The following SCFD2 variants were observed in gnomAD, a reference collection of about 807,000 sequenced individuals.
SCFD2 encodes the protein sec1 family domain containing 2.
A neutral mutation model predicts 58.9 loss-of-function variants in SCFD2; 54 were observed. The ratio of observed to expected loss-of-function variants is 0.92; its 90% CI spans 0.74 to 1.15. The LOEUF is 1.15. SCFD2 is among the 50% of genes most tolerant of loss of function. SCFD2 has a pLI of 0.00. For missense variants in SCFD2, 805 were observed against 836.6 expected (o/e 0.96, Z 0.47); for synonymous variants, 321 against 335.9 (o/e 0.96, Z 0.49).
At chr4:53,246,536 A>G (rs1256771379) in intron 4 of SCFD2, among the ~76,000 whole-genome samples, 5 of 152,214 alleles carry the variant, frequency 3.3e-5, no homozygotes, top group Non-Finnish European at 7.3e-5. Context: ...GCCCAGAAAT[A>G]AGGCTGCACG....
At chr4:53,290,744 T>C (rs763333088) in intron 3 of SCFD2, among the ~76,000 whole-genome samples, 2 of 151,532 alleles carry the variant, frequency 1.3e-5, no homozygotes, top group Non-Finnish European at 2.9e-5. Context: ...CAAAAATAAA[T>C]AAAATCAGAA....
intron 5 of SCFD2, among the ~76,000 whole-genome samples, chr4:53,097,050 A>C (rs532206680): frequency 5.3e-5 from 8 of 151,154 alleles, no homozygotes; most frequent in Non-Finnish European, 7.4e-5. Flanking sequence ...TTTCTGAGGG[A>C]TCTGTTCTGT....
intron 4 of SCFD2, among the ~76,000 whole-genome samples, chr4:53,193,946 G>C (rs560237730): frequency 4.6e-5 from 7 of 152,222 alleles, no homozygotes; most frequent in African/African-American, 1.7e-4. Flanking sequence ...TTGATTTTTG[G>C]TTTGGGTTAC....
chr4:53,329,499 C>A (rs375596002), intron 2 of SCFD2, among the ~76,000 whole-genome samples: 3 of 149,750 alleles, frequency 2.0e-5, no homozygotes, highest in South Asian at 2.2e-4. Flanking sequence ...ACACCTCACA[C>A]GGCAGGGTAT....
intron 4 of SCFD2, among the ~76,000 whole-genome samples, chr4:53,152,776 G>A (rs1419376490): frequency 6.6e-6 from 1 of 152,128 alleles, no homozygotes; most frequent in African/African-American, 2.4e-5. Flanking sequence ...TTACTTCCAA[G>A]ATACAATGGT....
intron 5 of SCFD2, among the ~76,000 whole-genome samples, chr4:53,117,915 C>T (rs888296693): frequency 1.3e-5 from 2 of 152,092 alleles, no homozygotes; most frequent in Non-Finnish European, 2.9e-5. Flanking sequence ...ATAAATAAAA[C>T]ATAAAGACAA....
chr4:53,098,178 T>C (rs1341983722), intron 5 of SCFD2, among the ~76,000 whole-genome samples: 9 of 152,142 alleles, frequency 5.9e-5, no homozygotes, highest in Non-Finnish European at 1.0e-4. Flanking sequence ...TAAAATTCTC[T>C]TTTTTTGTTG....
In SCFD2 at chr4:53,080,646, C is replaced by T. The variant is rs571467275; in HGVS notation, c.1561+64687G>A. Among the ~76,000 whole-genome samples the T allele has an allele frequency of 3.1e-4, 47 of 152,174 alleles. 1 individual carries two copies. The South Asian group carries it at 9.5e-3, about 31-fold the overall frequency. ...AAAGAAGTAAAGAAAGGCAATTATT[C>T]TTATACTCACAATACAGCAAATAGG... On this transcript the variant is annotated intron_variant, in intron 5 of 8. Coordinates refer to ENST00000401642, the MANE Select transcript of SCFD2 (RefSeq NM_152540.4).
intron 5 of SCFD2, among the ~76,000 whole-genome samples, chr4:53,022,537 G>A (rs544858642): frequency 6.6e-6 from 1 of 152,276 alleles, no homozygotes; most frequent in African/African-American, 2.4e-5. Flanking sequence ...GAAAATGAAG[G>A]GAAAATGCCT....
At chr4:53,164,804 A>AAAAAAAAAAAAG (rs1553882340) in intron 4 of SCFD2, among the ~76,000 whole-genome samples, 1 of 143,892 alleles carries the variant, frequency 6.9e-6, no homozygotes, top group African/African-American at 2.7e-5. Context: ...AAAAAAAAAA[A>AAAAAAAAAAAAG]AAGAAGAAGA....
At chr4:53,200,362 C>T (rs752777413) in intron 4 of SCFD2, among the ~76,000 whole-genome samples, 23 of 152,048 alleles carry the variant, frequency 1.5e-4, no homozygotes, top group African/African-American at 5.3e-4. Flanking sequence ...AAACTCACCA[C>T]CACCACCACC....
chr4:53,108,180 C>G (rs1203033339), intron 5 of SCFD2, among the ~76,000 whole-genome samples: 1 of 152,080 alleles, frequency 6.6e-6, no homozygotes, highest in Admixed American at 6.5e-5. Context: ...TCAATGAGAA[C>G]AAAGACACAA....
chr4:53,354,449 G>C (rs933238098), intron 1 of SCFD2, among the ~76,000 whole-genome samples: 1 of 152,202 alleles, frequency 6.6e-6, no homozygotes. Flanking sequence ...GTTCCTGCCC[G>C]TGCCTCTTCC....
At chr4:53,011,012 G>C (rs1722081918) in intron 5 of SCFD2, among the ~76,000 whole-genome samples, 1 of 152,128 alleles carries the variant, frequency 6.6e-6, no homozygotes, top group African/African-American at 2.4e-5. Flanking sequence ...AGCGTACCTT[G>C]AAAAAGCATC....
chr4:53,353,372 T>C (rs975677579), intron 1 of SCFD2, among the ~76,000 whole-genome samples: 24 of 152,168 alleles, frequency 1.6e-4, no homozygotes, highest in African/African-American at 4.8e-4. Context: ...CATAAAGGCA[T>C]GCACGGACCC....
chr4:52,909,148 C>T (rs1299567158), intron 6 of SCFD2, among the ~76,000 whole-genome samples: 2 of 152,130 alleles, frequency 1.3e-5, no homozygotes, highest in East Asian at 1.9e-4. Context: ...GAGAGCAATT[C>T]GGTAATACCT....
intron 5 of SCFD2, among the ~76,000 whole-genome samples, chr4:53,127,512 T>C (rs1465414092): frequency 1.3e-5 from 2 of 152,148 alleles, no homozygotes; most frequent in African/African-American, 2.4e-5. Context: ...CTAATCAAAG[T>C]AACACACAAA....
chr4:52,983,021 T>C (rs1721410930), intron 5 of SCFD2, among the ~76,000 whole-genome samples: 1 of 152,194 alleles, frequency 6.6e-6, no homozygotes, highest in South Asian at 2.1e-4. Context: ...TGAGTTCCAA[T>C]GTGAACTACT....
At chr4:53,055,876 A>G (rs1213931493) in intron 5 of SCFD2, among the ~76,000 whole-genome samples, 1 of 152,112 alleles carries the variant, frequency 6.6e-6, no homozygotes, top group Non-Finnish European at 1.5e-5. Context: ...GACTGGCTGC[A>G]GTGAAAATGA....
Sources: gnomAD v4.1 joint callset for allele counts (sites outside exome capture counted in the v4.1 genomes callset) on GRCh38, gnomAD v4.1.1 for gene constraint, MANE v1.5 for transcripts, NCBI Gene and HGNC (gene_info 2026-07-23, HGNC 2026-07-21) for gene names.